WDR72: variants seen among roughly 807,000 people sequenced by gnomAD.
WDR72 encodes the protein WD repeat-containing protein 72.
Under a neutral mutation model 124.2 loss-of-function variants are expected in WDR72, and 120 were observed. The ratio of observed to expected loss-of-function variants is 0.97; its 90% confidence interval spans 0.83 to 1.12. The LOEUF (loss-of-function observed/expected upper bound fraction) is 1.12, where lower values mean the gene tolerates loss of function less well. Among genes scored for constraint, WDR72 ranks in the 50% most tolerant of loss-of-function variants. The pLI, the probability that WDR72 is intolerant of heterozygous loss-of-function variation, is 0.00. For synonymous variants in WDR72, 452 were observed against 441.7 expected, an observed-to-expected ratio of 1.02 and a Z score of -0.29; for missense variants, 1,387 against 1,278.8, an observed-to-expected ratio of 1.08 and a Z score of -1.29.
At chr15:53,738,500 G>C (rs1009690581) in intron 1 of WDR72, among the ~76,000 whole-genome samples, 1 of 152,098 alleles carries the variant, frequency 6.6e-6, no homozygotes, top group African/African-American at 2.4e-5. Context: ...TCTTAAATGA[G>C]AATATTATTA....
intron 18 of WDR72, among the ~76,000 whole-genome samples, chr15:53,537,555 T>G (rs1233921107): frequency 6.6e-6 from 1 of 152,158 alleles, no homozygotes; most frequent in African/African-American, 2.4e-5. Context: ...CTGTCTCTGT[T>G]TCTTCATTTA....
At chr15:53,517,809 A>G in intron 19 of WDR72, 55 bp from the exon 20 acceptor site, 1 of 1,563,396 alleles carries the variant, frequency 6.4e-7, no homozygotes, top group Non-Finnish European at 8.8e-7. Flanking sequence ...AAGAGAAAAA[A>G]GAGAAAGACC....
upstream of WDR72, chr15:53,762,844 A>G (rs2019082687): frequency 6.6e-6 from 1 of 152,320 alleles, no homozygotes; most frequent in East Asian, 1.9e-4. Context: ...TTGGGGGCCC[A>G]CAAAATGGGG....
intron 12 of WDR72, 57 bp downstream of exon 12, chr15:53,702,072 TAAGTA>T (rs2017196487): frequency 7.9e-7 from 1 of 1,270,492 alleles, no homozygotes; most frequent in Non-Finnish European, 1.1e-6. Context: ...CTTGTCTTAT[TAAGTA>T]TTCTATAATT....
intron 7 of WDR72, among the ~76,000 whole-genome samples, chr15:53,712,522 G>T (rs1222550889): frequency 6.6e-6 from 1 of 151,844 alleles, no homozygotes; most frequent in African/African-American, 2.4e-5. Flanking sequence ...TTGAACCTGG[G>T]GGGTGGAGGT....
chr15:53,757,378 T>A (rs2018937192), intron 1 of WDR72, among the ~76,000 whole-genome samples: 1 of 152,066 alleles, frequency 6.6e-6, no homozygotes, highest in South Asian at 2.1e-4. Context: ...ATCCCAACAC[T>A]TTGGGAGGCC....
At chr15:53,608,492 C>T (rs1456759279) in intron 17 of WDR72, among the ~76,000 whole-genome samples, 1 of 152,074 alleles carries the variant, frequency 6.6e-6, no homozygotes, top group Non-Finnish European at 1.5e-5. Context: ...AGATGGCACA[C>T]ACTTGTAATC....
chr15:53,673,125 AAAAAG>A (rs137863835), intron 13 of WDR72, among the ~76,000 whole-genome samples: 10,201 of 151,958 alleles, frequency 0.067, 1,163 homozygotes, highest in African/African-American at 0.23. Flanking sequence ...ACTGTCTCAA[AAAAAG>A]AAAAGAAAAG....
At chr15:53,573,059 T>C (rs1209435883) in intron 18 of WDR72, among the ~76,000 whole-genome samples, 2 of 152,180 alleles carry the variant, frequency 1.3e-5, no homozygotes, top group East Asian at 3.9e-4. Flanking sequence ...CATTTCATGG[T>C]CATGGATTCC....
Position 53,733,178 on chromosome 15 carries a change from G to A in WDR72, c.-12-17C>T. ...GGGCGAATCCTGACATACAAAGAAGGGAAGAAGCATACATGGTCATCTTTT... is the reference window on the plus strand; with the variant it reads ...GGGCGAATCCTGACATACAAAGAAGAGAAGAAGCATACATGGTCATCTTTT... On this transcript the variant is annotated splice_polypyrimidine_tract_variant and intron_variant, in intron 1 of 19. Transcript: ENST00000360509. The A allele has an allele frequency of 6.2e-7, 1 of 1,613,054 alleles. No homozygotes were observed. The highest frequency in any genetic ancestry group is 8.5e-7 in the Non-Finnish European group (1 of 1,179,856).
chr15:53,735,299 A>G (rs1391185383), intron 1 of WDR72, among the ~76,000 whole-genome samples: 1 of 152,164 alleles, frequency 6.6e-6, no homozygotes, highest in Non-Finnish European at 1.5e-5. Context: ...GAAAAAAAAG[A>G]CCATGACAAG....
intron 19 of WDR72, among the ~76,000 whole-genome samples, chr15:53,520,364 G>A (rs17630697): frequency 0.17 from 25,673 of 152,050 alleles, 2,488 homozygotes; most frequent in Middle Eastern, 0.23. Flanking sequence ...ATTAAAGTTA[G>A]AAGATTGACC....
intron 18 of WDR72, among the ~76,000 whole-genome samples, chr15:53,545,134 A>G (rs1320172811): frequency 6.7e-6 from 1 of 150,276 alleles, no homozygotes; most frequent in African/African-American, 2.5e-5. Context: ...GCTACCAACG[A>G]CTTTCTTCAC....
At chr15:53,653,388 A>G (rs2015308612) in intron 14 of WDR72, among the ~76,000 whole-genome samples, 1 of 152,236 alleles carries the variant, frequency 6.6e-6, no homozygotes, top group South Asian at 2.1e-4. Context: ...ATGCTGAGAA[A>G]GAGAGTAACA....
At chr15:53,723,749 C>T (rs575450158) in intron 2 of WDR72, among the ~76,000 whole-genome samples, 1 of 152,248 alleles carries the variant, frequency 6.6e-6, no homozygotes, top group Admixed American at 6.5e-5. Flanking sequence ...TAAATCAGCT[C>T]TAGATTACTT....
chr15:53,558,716 C>G (rs1344656950), intron 18 of WDR72, among the ~76,000 whole-genome samples: 7 of 151,960 alleles, frequency 4.6e-5, no homozygotes, highest in African/African-American at 1.7e-4. Context: ...ATTCCAAAAC[C>G]TTATGTAGAT....
chr15:53,669,076 C>T (rs934724037), intron 13 of WDR72, among the ~76,000 whole-genome samples: 2 of 151,586 alleles, frequency 1.3e-5, no homozygotes, highest in Admixed American at 1.3e-4. Flanking sequence ...GAAGAAAGGG[C>T]TTTCTTTTCT....
rs1223109279 is a variant in WDR72 at position 53,516,240 on chromosome 15, C to T, written c.*1459G>A. The T allele has an allele frequency of 6.6e-6, 1 of 152,088 alleles. No homozygotes were observed. The highest frequency in any genetic ancestry group is 1.5e-5 in the Non-Finnish European group (1 of 67,980). The allele number at this position is 152,088 out of a possible 1,614,324, so 9.4% of individuals were successfully genotyped here. ...ATCATATTTTAGGAAACAAAGAATG[C>T]ACACTTTAATCTACTTTAAGGGAGT... On this transcript the variant is annotated 3_prime_UTR_variant, in exon 20 of 20. Transcript: ENST00000360509.
intron 14 of WDR72, among the ~76,000 whole-genome samples, chr15:53,662,236 C>T (rs753222331): frequency 5.9e-5 from 9 of 152,134 alleles, no homozygotes; most frequent in Non-Finnish European, 1.2e-4. Flanking sequence ...TCCTTTATGA[C>T]TCTGGCCTTC....
Sources: allele counts gnomAD v4.1 joint callset (sites outside exome capture counted in the v4.1 genomes callset), GRCh38; gene constraint gnomAD v4.1.1; transcripts MANE v1.5; gene names NCBI Gene and HGNC (gene_info 2026-07-23, HGNC 2026-07-21).